SI: variants seen among roughly 807,000 people sequenced by gnomAD.
SI encodes sucrase-isomaltase, also known as sucrase-isomaltase, intestinal.
A neutral mutation model predicts 253.3 loss-of-function variants in SI; 235 were observed. The ratio of observed to expected loss-of-function variants is 0.93; its 90% CI spans 0.83 to 1.03. The LOEUF is 1.03. Among genes scored for constraint, SI ranks in the 50% least tolerant of loss-of-function variants. SI has a pLI of 0.00. For missense variants in SI, 2,442 were observed against 2,211.1 expected, an observed-to-expected ratio of 1.10 and a Z score of -2.09; for synonymous variants, 819 against 712.0, an observed-to-expected ratio of 1.15 and a Z score of -2.39.
intron 1 of SI, 106 bp from the exon 2 acceptor site, chr3:165,076,118 G>GC (rs759645035): frequency 8.7e-5 from 73 of 838,270 alleles, no homozygotes; most frequent in Non-Finnish European, 1.1e-4. Context: ...TATGTATAAT[G>GC]CAGAGTTGAA....
At chr3:165,084,791 A>G in the SI span, among the ~76,000 whole-genome samples, 7 of 152,032 alleles carry the variant, frequency 4.6e-5, no homozygotes, top group African/African-American at 1.7e-4. Context: ...AAGACTAGAG[A>G]CAATAAGAAA....
Position 165,023,699 on chromosome 3 carries a change from A to G in SI, c.2970T>C (p.Tyr990=), listed in dbSNP as rs375776729. Residue 990 remains tyrosine, a synonymous_variant, in exon 26 of 48, where the codon TAT becomes TAC. Coordinates refer to ENST00000264382, the MANE Select transcript of SI (RefSeq NM_001041.4). ...DNSYSVNSAR[Y]SSMGITADLQ... is the part of the protein sequence containing the mutation. The stretch of plus-strand genomic sequence containing the variant: ...GGTCAGCTGTTATACCCATGGATGA[A>G]TAGCGAGCTGAGTTGACTGAATAAG... The G allele has an allele frequency of 8.8e-5, 142 of 1,610,952 alleles. No individual in the cohort carries two copies. The East Asian group carries it at 3.1e-3, about 35-fold the overall frequency.
chr3:165,047,061 G>C, intron 15 of SI, 49 bp from the exon 16 acceptor site: 2 of 1,401,246 alleles, frequency 1.4e-6, no homozygotes, highest in Non-Finnish European at 9.8e-7. Context: ...AAAAAATAAA[G>C]TTGGTATTTA....
intron 21 of SI, among the ~76,000 whole-genome samples, chr3:165,037,639 T>C (rs1712596863): frequency 6.6e-6 from 1 of 151,876 alleles, no homozygotes; most frequent in South Asian, 2.1e-4. Flanking sequence ...ATATTATCTT[T>C]AATTATGCTA....
chr3:165,073,966 T>C (rs1714771944), intron 3 of SI, among the ~76,000 whole-genome samples: 1 of 152,002 alleles, frequency 6.6e-6, no homozygotes, highest in African/African-American at 2.4e-5. Context: ...ACTGTACATA[T>C]ACACCCACAC....
intron 13 of SI, among the ~76,000 whole-genome samples, chr3:165,051,744 T>A (rs990598314): frequency 4.6e-5 from 7 of 152,048 alleles, no homozygotes; most frequent in Admixed American, 1.3e-4. Context: ...CATTTCTATT[T>A]GAGTTAAATA....
intron 3 of SI, among the ~76,000 whole-genome samples, chr3:165,072,742 A>G (rs1242103390): frequency 6.6e-6 from 1 of 152,126 alleles, no homozygotes. Flanking sequence ...GCAAAGTGAC[A>G]CTGGAATATT....
intron 37 of SI, among the ~76,000 whole-genome samples, chr3:165,000,397 A>C (rs1388103627): frequency 6.6e-6 from 1 of 151,390 alleles, no homozygotes; most frequent in African/African-American, 2.4e-5. Flanking sequence ...GACCATAGTT[A>C]ATATATTGTA....
chr3:165,009,150 TG>T, intron 35 of SI, 128 bp downstream of exon 35: 1 of 671,134 alleles, frequency 1.5e-6, no homozygotes, highest in Non-Finnish European at 2.7e-6. Flanking sequence ...AAGAAAGTTC[TG>T]TGGGGGAAAA....
chr3:164,990,898 TA>T (rs539924822), intron 44 of SI, among the ~76,000 whole-genome samples: 7,024 of 147,408 alleles, frequency 0.048, 198 homozygotes, highest in Non-Finnish European at 0.051. Context: ...TAAAGTATAG[TA>T]AAAAAAAAAA....
intron 37 of SI, among the ~76,000 whole-genome samples, chr3:165,000,780 T>C (rs1718222578): frequency 6.6e-6 from 1 of 151,400 alleles, no homozygotes; most frequent in Non-Finnish European, 1.5e-5. Context: ...TCAGTCACAA[T>C]TAACTTAGTT....
chr3:165,083,985 A>G, the SI span, among the ~76,000 whole-genome samples: 662 of 152,122 alleles, frequency 4.4e-3, 2 homozygotes, highest in African/African-American at 0.015. Flanking sequence ...GTGGACTTGG[A>G]TGGTGCTATG....
the SI span, among the ~76,000 whole-genome samples, chr3:165,084,373 GT>G: frequency 6.6e-6 from 1 of 152,004 alleles, no homozygotes; most frequent in African/African-American, 2.4e-5. Flanking sequence ...AGAAGAGCTG[GT>G]TGATTTCAAA....
Position 164,992,343 on chromosome 3 carries a change from T to C in SI, c.4896A>G (p.Pro1632=). Reference sequence around the variant, plus strand: ...CCAGTACTGGGGTAACCATAAATGCTGGACCCCATAAGAACTGCTTGAATA... The same window carrying C: ...CCAGTACTGGGGTAACCATAAATGCCGGACCCCATAAGAACTGCTTGAATA... ...WDIFKQFLWG[P]AFMVTPVLEP... Residue 1632 remains proline (P), a synonymous_variant, in exon 42 of 48, where the codon CCA becomes CCG. Transcript: ENST00000264382. 6.2e-7 allele frequency: 1 copy of C among 1,613,418 alleles called. No homozygotes were observed. The highest frequency in any genetic ancestry group is 8.5e-7 in the Non-Finnish European group (1 of 1,179,522).
At chr3:165,045,165 T>G (rs1166979861) in intron 16 of SI, among the ~76,000 whole-genome samples, 1 of 152,110 alleles carries the variant, frequency 6.6e-6, no homozygotes, top group East Asian at 1.9e-4. Context: ...TTCTTTAAAA[T>G]GTATTGTTTT....
intron 25 of SI, among the ~76,000 whole-genome samples, chr3:165,029,974 A>G (rs1712147928): frequency 6.6e-6 from 1 of 150,610 alleles, no homozygotes. Context: ...AGAAATTGGG[A>G]TAATTTCTCT....
At chr3:165,032,248 A>C (rs921268647) in intron 24 of SI, among the ~76,000 whole-genome samples, 1 of 151,200 alleles carries the variant, frequency 6.6e-6, no homozygotes, top group Admixed American at 6.6e-5. Flanking sequence ...AATATTAGAA[A>C]GTCCCATATA....
intron 28 of SI, among the ~76,000 whole-genome samples, chr3:165,018,964 G>A (rs952453164): frequency 6.6e-6 from 1 of 151,598 alleles, no homozygotes; most frequent in African/African-American, 2.4e-5. Context: ...ATCCTTTTAA[G>A]TATACATCAC....
Position 164,979,376 on chromosome 3 carries a change from T to A in SI, c.5470A>T (p.Ile1824Phe). 1 of 1,587,628 alleles carries A rather than the reference T, an allele frequency of 6.3e-7. No homozygotes were observed. The highest frequency in any genetic ancestry group is 1.7e-4 in the Middle Eastern group (1 of 6,006). ...HNVTLEEPIE[I>F]NWS The stretch of plus-strand genomic sequence containing the variant: ...GATGGTGATCTTCATGACCAGTTGA[T>A]TTCTATTGGTTCTTCTAGAGTAACA... The change falls in exon 48 of 48, where the codon ATC (isoleucine) becomes TTC (phenylalanine). Residue 1824 changes from isoleucine (I) to phenylalanine (F), a missense_variant. Coordinates refer to ENST00000264382, the MANE Select transcript of SI (RefSeq NM_001041.4).
Sources: gnomAD v4.1 joint callset for allele counts (sites outside exome capture counted in the v4.1 genomes callset) on GRCh38, gnomAD v4.1.1 for gene constraint, MANE v1.5 for transcripts, NCBI Gene and HGNC (gene_info 2026-07-23, HGNC 2026-07-21) for gene names.